The following RNF38 variants were observed in gnomAD, a reference collection of about 807,000 sequenced individuals.
RNF38 encodes the protein ring finger protein 38, also known as E3 ubiquitin-protein ligase RNF38.
A neutral mutation model predicts 67.2 loss-of-function variants in RNF38; 15 were observed. The observed-to-expected ratio is 0.22, with a 90% confidence interval of 0.15 to 0.34. The LOEUF (loss-of-function observed/expected upper bound fraction) is 0.34, where lower values mean the gene tolerates loss of function less well. Among genes scored for constraint, RNF38 ranks in the 10% least tolerant of loss-of-function variants. The pLI, the probability that RNF38 is intolerant of heterozygous loss-of-function variation, is 1.00. For missense variants in RNF38, 524 were observed against 639.9 expected, an observed-to-expected ratio of 0.82 and a Z score of 1.95; for synonymous variants, 220 against 218.8, an observed-to-expected ratio of 1.01 and a Z score of -0.05.
chr9:36,462,379 C>A (rs180883582), intron 1 of RNF38, among the ~76,000 whole-genome samples: 1 of 152,224 alleles, frequency 6.6e-6, no homozygotes, highest in Non-Finnish European at 1.5e-5. Context: ...CAATCCTTAC[C>A]CTCCTACAAC....
intron 1 of RNF38, among the ~76,000 whole-genome samples, chr9:36,470,007 T>C (rs567577773): frequency 3.9e-5 from 6 of 152,054 alleles, no homozygotes; most frequent in African/African-American, 1.4e-4. Context: ...AAGGAAATAA[T>C]GCTCAAGAAG....
chr9:36,418,913 A>C (rs1838546180), intron 2 of RNF38, among the ~76,000 whole-genome samples: 1 of 152,052 alleles, frequency 6.6e-6, no homozygotes, highest in African/African-American at 2.4e-5. Context: ...CAGTGAGCCG[A>C]GATCACACCA....
At chr9:36,420,392 C>T (rs1268206379) in intron 2 of RNF38, among the ~76,000 whole-genome samples, 8 of 151,898 alleles carry the variant, frequency 5.3e-5, no homozygotes, top group Admixed American at 3.9e-4. Flanking sequence ...ATTAGCCAGG[C>T]GTGGTGACAG....
At position 36,336,956 on chromosome 9, in the gene RNF38, G is replaced by C. The variant is rs1034384004; in HGVS notation, c.*2796C>G. On this transcript the variant is annotated 3_prime_UTR_variant, in exon 12 of 12. Coordinates refer to ENST00000259605, the MANE Select transcript of RNF38 (RefSeq NM_022781.5). ...TCCTAATATGAGATCTTGATACCTG[G>C]AGGCCTTATTTTTTTGAGGGGCTGG... The C allele has an allele frequency of 6.6e-6, 1 of 152,014 alleles. No homozygotes were observed. Among genetic ancestry groups the C allele is most frequent in the African/African-American group, 2.4e-5 (1 of 41,374 alleles). The allele number at this position is 152,014 out of a possible 1,614,324, so 9.4% of individuals were successfully genotyped here. A position where few individuals can be genotyped will look rare whatever the true frequency, so the allele number is the denominator to read the frequency against.
At chr9:36,391,511 T>G (rs1417316217) in intron 1 of RNF38, among the ~76,000 whole-genome samples, 2 of 152,190 alleles carry the variant, frequency 1.3e-5, no homozygotes, top group Admixed American at 6.5e-5. Context: ...TAACATGGTC[T>G]TCTTTTTAGA....
intron 1 of RNF38, among the ~76,000 whole-genome samples, chr9:36,450,086 T>A (rs1171566394): frequency 6.6e-6 from 1 of 152,160 alleles, no homozygotes; most frequent in African/African-American, 2.4e-5. Flanking sequence ...AGAATATACA[T>A]AAACTTCACC....
At chr9:36,405,689 G>GT (rs1399194571), upstream of RNF38, among the ~76,000 whole-genome samples, 1 of 152,052 alleles carries the variant, frequency 6.6e-6, no homozygotes, top group Non-Finnish European at 1.5e-5. Context: ...TAGATGTCCT[G>GT]TTTTTTCTTT....
chr9:36,381,735 G>A (rs146984342), intron 2 of RNF38, among the ~76,000 whole-genome samples: 2 of 152,160 alleles, frequency 1.3e-5, no homozygotes, highest in African/African-American at 2.4e-5. Flanking sequence ...GTGTCTTTTC[G>A]GTTTGAAACA....
upstream of RNF38, chr9:36,487,577 G>A: frequency 4.1e-6 from 4 of 980,888 alleles, no homozygotes; most frequent in Non-Finnish European, 4.8e-6. Context: ...GCCGCGAGCA[G>A]CGGCTCCGGC....
chr9:36,354,401 C>T (rs745389846), intron 6 of RNF38, among the ~76,000 whole-genome samples: 10 of 152,176 alleles, frequency 6.6e-5, no homozygotes, highest in Non-Finnish European at 1.2e-4. Flanking sequence ...CAGGGTTTCA[C>T]CGTGTTAGCC....
chr9:36,423,791 T>C (rs1481271542), intron 2 of RNF38, among the ~76,000 whole-genome samples: 3 of 87,132 alleles, frequency 3.4e-5, no homozygotes, highest in Non-Finnish European at 2.7e-5. Flanking sequence ...CTACTAAAAA[T>C]ACAAAAAATT....
upstream of RNF38, chr9:36,400,474 G>A: frequency 9.8e-7 from 1 of 1,021,174 alleles, no homozygotes; most frequent in African/African-American, 1.7e-5. Flanking sequence ...CCCAAGACTC[G>A]GGCGCGGCCC....
Position 36,390,605 on chromosome 9 carries a change from C to A in RNF38, c.24G>T (p.Gly8=). The change falls in exon 2 of 12, where the codon GGG becomes GGT. Residue 8 remains glycine (G), a synonymous_variant. Transcript: ENST00000259605. MACKISP[G]ANSASLPGHP... is the part of the protein sequence containing the mutation. ...GGCCAGGTAGAGATGCTGAATTGGC[C>A]CCGGGAGATATCTGGGAAAAAGAGG... 1.9e-6 allele frequency: 3 copies of A among 1,613,928 alleles called. No individual in the cohort carries two copies. Among genetic ancestry groups the A allele is most frequent in the Non-Finnish European group, 2.5e-6 (3 of 1,179,950 alleles).
intron 4 of RNF38, among the ~76,000 whole-genome samples, chr9:36,359,690 A>T (rs1390488658): frequency 6.6e-6 from 1 of 152,000 alleles, no homozygotes; most frequent in East Asian, 1.9e-4. Context: ...TAGTATTAAG[A>T]TTGTACTAAA....
chr9:36,473,511 C>T (rs1316554308), intron 1 of RNF38, among the ~76,000 whole-genome samples: 1 of 151,058 alleles, frequency 6.6e-6, no homozygotes, highest in African/African-American at 2.4e-5. Flanking sequence ...TTGCTTGAAC[C>T]TGAGAGGTGG....
At position 36,423,890 on chromosome 9, in the gene RNF38, A is replaced by G. The variant is rs1270917232; in HGVS notation, n.312+723T>C. Among the ~76,000 whole-genome samples, 2 of 25,444 alleles carry G rather than the reference A, an allele frequency of 7.9e-5. 1 individual carries two copies. Among genetic ancestry groups the G allele is most frequent in the East Asian group, 1.5e-3 (2 of 1,348 alleles). 16.7% of individuals were successfully genotyped at this position (25,444 alleles called of 152,430 possible). On this transcript the variant is annotated intron_variant and non_coding_transcript_variant, in intron 2 of 3. Coordinates refer to the RNF38 transcript ENST00000488058. ...CGTGAACCCGGGAGACGGAGCTTGC[A>G]GTGAGCCGAGATTGCGCCACTGCAC...
intron 1 of RNF38, among the ~76,000 whole-genome samples, chr9:36,441,060 T>C (rs752191371): frequency 1.3e-5 from 2 of 152,058 alleles, no homozygotes; most frequent in African/African-American, 2.4e-5. Flanking sequence ...ATAGTGACTA[T>C]GGAGTGGGAG....
intron 2 of RNF38, among the ~76,000 whole-genome samples, chr9:36,412,030 G>A (rs973872170): frequency 6.6e-6 from 1 of 152,130 alleles, no homozygotes; most frequent in African/African-American, 2.4e-5. Context: ...CAAATTCAGA[G>A]AGACAGAAAG....
rs1446667947 is a variant in RNF38 at position 36,411,135 on chromosome 9, T to C, written n.312+13478A>G. Among the ~76,000 whole-genome samples, 5 of 137,324 alleles carry C rather than the reference T, an allele frequency of 3.6e-5. 1 individual carries two copies. The East Asian group carries it at 1.0e-3, about 28-fold the overall frequency. The allele number at this position is 137,324 out of a possible 152,430, so 90.1% of individuals were successfully genotyped here. On this transcript the variant is annotated intron_variant and non_coding_transcript_variant, in intron 2 of 3. Coordinates refer to the RNF38 transcript ENST00000488058. ...TAGTAAGGGGTTAATATCCAGAATA[T>C]ATAACTCCTAAAACTGAACAGCAAA...
Sources: allele counts gnomAD v4.1 joint callset (sites outside exome capture counted in the v4.1 genomes callset), GRCh38; gene constraint gnomAD v4.1.1; transcripts MANE v1.5; gene names NCBI Gene and HGNC (gene_info 2026-07-23, HGNC 2026-07-21).